ZNF569: variants seen among roughly 807,000 people sequenced by gnomAD.
ZNF569 encodes DNA-binding protein.
In ZNF569, 38 loss-of-function variants were observed where a neutral mutation model predicts 56.3. The ratio of observed to expected loss-of-function variants is 0.68; its 90% CI spans 0.52 to 0.88. The LOEUF (loss-of-function observed/expected upper bound fraction) is 0.88. Ranked by LOEUF, ZNF569 falls within the 40% of genes least tolerant of loss-of-function variation. The pLI, the probability that ZNF569 is intolerant of heterozygous loss-of-function variation, is 0.00. For synonymous variants in ZNF569, 241 were observed against 262.9 expected (o/e 0.92, Z 0.81); for missense variants, 666 against 809.2 (o/e 0.82, Z 2.15).
chr19:37,431,117 G>C (rs1387398924), intron 3 of ZNF569, among the ~76,000 whole-genome samples: 1 of 152,160 alleles, frequency 6.6e-6, no homozygotes, highest in East Asian at 1.9e-4. Flanking sequence ...AGGCAGTCTA[G>C]GCCACAGGAA....
upstream of ZNF569, chr19:37,469,048 G>T (rs1301013675): frequency 2.0e-6 from 2 of 993,224 alleles, no homozygotes; most frequent in Non-Finnish European, 2.4e-6. Flanking sequence ...CGCGCAGAGC[G>T]CTTGTGCCTG....
intron 2 of ZNF569, 76 bp from the exon 3 acceptor site, chr19:37,445,040 A>ACAT: frequency 8.8e-7 from 1 of 1,137,532 alleles, no homozygotes; most frequent in East Asian, 2.5e-5. Flanking sequence ...GGTGGATTAA[A>ACAT]GGTCACCCTG....
chr19:37,416,356 T>C (rs754425573), intron 5 of ZNF569, among the ~76,000 whole-genome samples: 10 of 151,894 alleles, frequency 6.6e-5, no homozygotes, highest in Non-Finnish European at 1.3e-4. Context: ...ATCTGAACAA[T>C]TGTGAAAAGT....
chr19:37,423,987 GTATATGTA>G (rs926654159), intron 5 of ZNF569, among the ~76,000 whole-genome samples: 3 of 151,982 alleles, frequency 2.0e-5, no homozygotes, highest in African/African-American at 7.2e-5. Flanking sequence ...ACATATATAT[GTATATGTA>G]TATATGTATA....
intron 5 of ZNF569, among the ~76,000 whole-genome samples, chr19:37,418,751 G>C (rs917656967): frequency 6.6e-6 from 1 of 152,162 alleles, no homozygotes; most frequent in Admixed American, 6.5e-5. Context: ...CCCAAGAGAA[G>C]ATGGGAAGAC....
At chr19:37,461,174 G>T (rs911237000) in intron 2 of ZNF569, among the ~76,000 whole-genome samples, 1 of 152,234 alleles carries the variant, frequency 6.6e-6, no homozygotes, top group Non-Finnish European at 1.5e-5. Flanking sequence ...AGTAAACGAA[G>T]TAATGACAGA....
chr19:37,451,521 G>A (rs1194792025), intron 2 of ZNF569, among the ~76,000 whole-genome samples: 5 of 151,918 alleles, frequency 3.3e-5, no homozygotes, highest in Admixed American at 1.3e-4. Flanking sequence ...TTAATGGACA[G>A]AAAGTGGGGT....
chr19:37,437,151 T>A (rs1177518744), intron 3 of ZNF569, among the ~76,000 whole-genome samples: 1 of 152,098 alleles, frequency 6.6e-6, no homozygotes, highest in Admixed American at 6.5e-5. Context: ...GTGGGATTTA[T>A]CTTAGAAATG....
chr19:37,467,300 A>G lies in ZNF569; in HGVS notation c.-421T>C, dbSNP rs1384535358. ...TCACTGTTTGCGCGTCCTGAGAAGCAGACCACGGTGTTCCAGGGCTCACAG... is the reference window on the plus strand; with the variant it reads ...TCACTGTTTGCGCGTCCTGAGAAGCGGACCACGGTGTTCCAGGGCTCACAG... On this transcript the variant is annotated 5_prime_UTR_variant, in exon 1 of 6. Transcript: ENST00000316950. The G allele has an allele frequency of 1.3e-5, 2 of 152,584 alleles. No homozygotes were observed. The highest frequency in any genetic ancestry group is 2.4e-5 in the African/African-American group (1 of 41,454). The allele number at this position is 152,584 out of a possible 1,614,324, so 9.5% of individuals were successfully genotyped here. A position where few individuals can be genotyped will look rare whatever the true frequency, so the allele number is the denominator to read the frequency against.
chr19:37,469,134 G>C, upstream of ZNF569: 1 of 1,109,032 alleles, frequency 9.0e-7, no homozygotes, highest in Non-Finnish European at 1.1e-6. Context: ...GAGCTGCAGG[G>C]AATCCGGACT....
Position 37,413,353 on chromosome 19 carries a change from C to A in ZNF569, c.1305G>T (p.Glu435Asp). ...CACATTCATTACACTCATAAGGTTT[C>A]TCTCTAGTATGAATTTTCTGGTGTG... ...FITHQKIHTR[E>D]KPYECNECGK... Residue 435 changes from glutamate to aspartate, a missense_variant, in exon 6 of 6, where the codon GAG (glutamate) becomes GAT (aspartate). Physicochemically the swap from Glu to Asp is conservative, Grantham distance 45. Transcript: ENST00000316950. 6.2e-7 allele frequency: 1 copy of A among 1,607,744 alleles called. No individual in the cohort carries two copies. The highest frequency in any genetic ancestry group is 2.2e-5 in the East Asian group (1 of 44,838).
rs759185225 is a variant in ZNF569 at position 37,412,708 on chromosome 19, G to A, written c.1950C>T (p.Thr650=). 3 of 1,613,804 alleles carry A rather than the reference G, an allele frequency of 1.9e-6. No individual in the cohort carries two copies. The highest frequency in any genetic ancestry group is 2.5e-6 in the Non-Finnish European group (3 of 1,179,896). Residue 650 remains threonine (T), a synonymous_variant, in exon 6 of 6, where the codon ACC becomes ACT. Coordinates refer to ENST00000316950, the MANE Select transcript of ZNF569 (RefSeq NM_152484.3). The part of the protein sequence containing the change: ...GKAFSQISSL[T]LHMRKHTGEK... Reference sequence around the variant, plus strand: ...CACCTGTATGTTTTCTCATATGAAGGGTAAGAGATGAGATTTGAGAGAAGG... The same window carrying A: ...CACCTGTATGTTTTCTCATATGAAGAGTAAGAGATGAGATTTGAGAGAAGG...
At chr19:37,454,322 A>G (rs775181774) in intron 2 of ZNF569, among the ~76,000 whole-genome samples, 2 of 151,714 alleles carry the variant, frequency 1.3e-5, no homozygotes, top group Admixed American at 6.6e-5. Flanking sequence ...GATTCTTGTT[A>G]TCTTGGTGGG....
At chr19:37,439,367 G>A (rs1206226567) in intron 3 of ZNF569, among the ~76,000 whole-genome samples, 5 of 152,222 alleles carry the variant, frequency 3.3e-5, no homozygotes, top group South Asian at 2.1e-4. Flanking sequence ...CACCATGCCC[G>A]GCCTTAGAAT....
At chr19:37,432,676 G>A (rs1475335339) in intron 3 of ZNF569, among the ~76,000 whole-genome samples, 3 of 152,122 alleles carry the variant, frequency 2.0e-5, no homozygotes, top group Admixed American at 6.5e-5. Flanking sequence ...TCACCAAATT[G>A]AACTCAGTAC....
intron 3 of ZNF569, among the ~76,000 whole-genome samples, chr19:37,439,816 G>A (rs1251289724): frequency 2.6e-5 from 4 of 152,180 alleles, no homozygotes; most frequent in Non-Finnish European, 5.9e-5. Flanking sequence ...GAACGACAAA[G>A]CTCACATGTT....
chr19:37,460,059 T>TA (rs2041732473), intron 2 of ZNF569, among the ~76,000 whole-genome samples: 3 of 151,960 alleles, frequency 2.0e-5, no homozygotes, highest in African/African-American at 7.2e-5. Flanking sequence ...AACAAAGAAA[T>TA]AAAAAAATTT....
chr19:37,460,094 A>G lies in ZNF569; in HGVS notation c.-44+5219T>C, dbSNP rs370751683. ...TTCTATTTGCATACGAAGCAAATGG[A>G]AAACAGCTAGGAAGATGGTAGTGAG... On this transcript the variant is annotated intron_variant, in intron 2 of 5. Transcript: ENST00000316950. Among the ~76,000 whole-genome samples, 33 of 152,330 alleles carry G rather than the reference A, an allele frequency of 2.2e-4. No homozygotes were observed. In the East Asian group the frequency reaches 2.7e-3, roughly 12 times the overall value.
chr19:37,413,152 G>A lies in ZNF569; in HGVS notation c.1506C>T (p.Ala502=), dbSNP rs2040867236. 6.2e-7 allele frequency: 1 copy of A among 1,608,196 alleles called. No individual in the cohort carries two copies. The highest frequency in any genetic ancestry group is 1.7e-5 in the Admixed American group (1 of 58,810). The change falls in exon 6 of 6, where the codon GCC becomes GCT. Residue 502 remains alanine, a synonymous_variant. Coordinates refer to ENST00000316950, the MANE Select transcript of ZNF569 (RefSeq NM_152484.3). The part of the protein sequence containing the change: ...KPYECNECGK[A]FSQKQNFITH... ...TAATGAAGTTTTGCTTTTGGCTGAA[G>A]GCTTTACCACATTCATTGCATTCAT...
Sources: allele counts gnomAD v4.1 joint callset (sites outside exome capture counted in the v4.1 genomes callset), GRCh38; gene constraint gnomAD v4.1.1; transcripts MANE v1.5; gene names NCBI Gene and HGNC (gene_info 2026-07-23, HGNC 2026-07-21).